The following TBP variants were observed in gnomAD, a reference collection of about 807,000 sequenced individuals.
TBP encodes the protein TATA-box binding protein, also known as TATA-box-binding protein.
In TBP, 12 loss-of-function variants were observed where a neutral mutation model predicts 46.2. The ratio of observed to expected loss-of-function variants is 0.26; its 90% CI spans 0.17 to 0.42. The LOEUF is 0.42. TBP is among the 10% of genes least tolerant of loss of function. The pLI is 1.00. For missense variants in TBP, 229 were observed against 403.1 expected (o/e 0.57, Z 3.70); for synonymous variants, 157 against 148.3 (o/e 1.06, Z -0.42).
intron 6 of TBP, 143 bp downstream of exon 6, chr6:170,569,922 C>T: frequency 1.2e-6 from 1 of 804,484 alleles, no homozygotes. Flanking sequence ...GCATTGTCTT[C>T]CTGATGTTCT....
Position 170,564,571 on chromosome 6 carries a change from G to A in TBP, c.524G>A (p.Gly175Asp). 1 of 1,609,756 alleles carries A rather than the reference G, an allele frequency of 6.2e-7. No individual in the cohort carries two copies. Among genetic ancestry groups the A allele is most frequent in the Non-Finnish European group, 8.5e-7 (1 of 1,177,824 alleles). The change falls in exon 4 of 8, where the codon GGT becomes GAT. Residue 175 changes from glycine to aspartate, a missense_variant. Physicochemically the swap from Gly to Asp is moderately conservative, Grantham distance 94. Coordinates refer to ENST00000392092, the MANE Select transcript of TBP (RefSeq NM_003194.5). ...LQNIVSTVNL[G>D]CKLDLKTIAL... ...AATATTGTATCCACAGTGAATCTTG[G>A]TTGTAAACTTGACCTAAAGACCATT...
chr6:170,572,349 T>A lies in TBP; in HGVS notation c.*84T>A. On this transcript the variant is annotated 3_prime_UTR_variant, in exon 8 of 8. Coordinates refer to ENST00000392092, the MANE Select transcript of TBP (RefSeq NM_003194.5). ...AGTTTGTTTTGGTACCTTTAAATGG[T>A]GGTGTTGTGAGAAGATGGATGTTGA... 1 of 1,146,330 alleles carries A rather than the reference T, an allele frequency of 8.7e-7. No homozygotes were observed. Among genetic ancestry groups the A allele is most frequent in the South Asian group, 1.3e-5 (1 of 75,784 alleles). 71.0% of individuals were successfully genotyped at this position (1,146,330 alleles called of 1,614,324 possible).
At position 170,564,519 on chromosome 6, in the gene TBP, G is replaced by A. The variant is rs776220323; in HGVS notation, c.498-26G>A. ...TGAAACTTAAGTAATTTAAATAGTC[G>A]TGTTTTCTTTTTAAATCTCTTACAG... On this transcript the variant is annotated intron_variant, in intron 3 of 7. Coordinates refer to ENST00000392092, the MANE Select transcript of TBP (RefSeq NM_003194.5). The A allele has an allele frequency of 4.5e-5, 67 of 1,485,180 alleles. No homozygotes were observed. In the South Asian group the frequency reaches 5.4e-4, roughly 12 times the overall value. The allele number at this position is 1,485,180 out of a possible 1,614,324, so 92.0% of individuals were successfully genotyped here.
In TBP at chr6:170,564,633, G is replaced by C; in HGVS notation, c.585+1G>C. The C allele has an allele frequency of 6.3e-7, 1 of 1,596,644 alleles. No homozygotes were observed. The highest frequency in any genetic ancestry group is 8.5e-7 in the Non-Finnish European group (1 of 1,169,930). Reference sequence around the variant, plus strand: ...CCGAAACGCCGAATATAATCCCAAGGTTAGATCTATTTTAATGTATTTCTT... The same window carrying C: ...CCGAAACGCCGAATATAATCCCAAGCTTAGATCTATTTTAATGTATTTCTT... On this transcript the variant is annotated splice_donor_variant, in intron 4 of 7. Coordinates refer to ENST00000392092, the MANE Select transcript of TBP (RefSeq NM_003194.5). LOFTEE classifies it high-confidence loss of function.
chr6:170,558,843 G>T (rs1383049239), intron 2 of TBP, among the ~76,000 whole-genome samples: 1 of 151,814 alleles, frequency 6.6e-6, no homozygotes, highest in Non-Finnish European at 1.5e-5. Context: ...ACAGGCATGC[G>T]CCACCACACC....
chr6:170,566,870 T>C, intron 4 of TBP, 48 bp from the exon 5 acceptor site: 1 of 1,566,666 alleles, frequency 6.4e-7, no homozygotes, highest in Non-Finnish European at 8.8e-7. Flanking sequence ...CTAACAACAT[T>C]GAGCAGTTTG....
intron 2 of TBP, among the ~76,000 whole-genome samples, chr6:170,559,634 C>G (rs556883783): frequency 6.6e-6 from 1 of 152,192 alleles, no homozygotes; most frequent in Non-Finnish European, 1.5e-5. Flanking sequence ...AGGAGAGAGG[C>G]CTTCTCCACA....
chr6:170,566,888 C>G (rs1465940212), intron 4 of TBP, 30 bp from the exon 5 acceptor site: 3 of 1,603,424 alleles, frequency 1.9e-6, no homozygotes, highest in Non-Finnish European at 2.6e-6. Flanking sequence ...TTGGCATGAC[C>G]TCACTAATGA....
chr6:170,572,452 A>G lies in TBP; in HGVS notation c.*187A>G. The G allele has an allele frequency of 1.6e-6, 1 of 609,576 alleles. No homozygotes were observed. Among genetic ancestry groups the G allele is most frequent in the East Asian group, 2.7e-5 (1 of 36,432 alleles). 37.8% of individuals were successfully genotyped at this position (609,576 alleles called of 1,614,324 possible). On this transcript the variant is annotated 3_prime_UTR_variant, in exon 8 of 8. Transcript: ENST00000392092. Reference sequence around the variant, plus strand: ...TGCCGGGAAGGGGCATTATTTGTGCACTGAGAACACCGCGCAGCGTGACTG... The same window carrying G: ...TGCCGGGAAGGGGCATTATTTGTGCGCTGAGAACACCGCGCAGCGTGACTG...
rs759374115 is a variant in TBP, at chr6:170,561,889, T to C, written c.153T>C (p.Ile51=). The part of the protein sequence containing the change: ...QPIQNTNSLS[I]LEEQQRQQQQ... ...TTCAGAACACCAATAGTCTGTCTAT[T>C]TTGGAAGAGCAACAAAGGCAGCAGC... Residue 51 remains isoleucine, a synonymous_variant, in exon 3 of 8, where the codon ATT becomes ATC. Transcript: ENST00000392092. The C allele has an allele frequency of 6.8e-6, 11 of 1,613,508 alleles. No individual in the cohort carries two copies. The highest frequency in any genetic ancestry group is 9.3e-6 in the Non-Finnish European group (11 of 1,179,926).
In TBP at chr6:170,562,052, A is replaced by T. The variant is rs148074761; in HGVS notation, c.316A>T (p.Thr106Ser). 6 of 1,613,666 alleles carry T rather than the reference A, an allele frequency of 3.7e-6. No individual in the cohort carries two copies. Among genetic ancestry groups the T allele is most frequent in the Admixed American group, 1.7e-5 (1 of 59,990 alleles). Residue 106 changes from threonine to serine, a missense_variant, in exon 3 of 8, where the codon ACG becomes TCG. This residue lies in a region of TBP where 69 missense variants were observed against 66.2 expected (regional missense o/e 1.04). Coordinates refer to ENST00000392092, the MANE Select transcript of TBP (RefSeq NM_003194.5). ...AVAAAAVQQSTSQQATQGTSG... is the reference protein window; with the variant it reads ...AVAAAAVQQSSSQQATQGTSG... ...GGCAGCTGCAGCCGTTCAGCAGTCA[A>T]CGTCCCAGCAGGCAACACAGGGAAC...
At chr6:170,567,984 C>T (rs1223345188) in intron 5 of TBP, among the ~76,000 whole-genome samples, 1 of 152,152 alleles carries the variant, frequency 6.6e-6, no homozygotes, top group African/African-American at 2.4e-5. Context: ...TTGGAGGTAT[C>T]AACACATAGA....
Position 170,557,028 on chromosome 6 carries a change from T to A in TBP, c.-2T>A. On this transcript the variant is annotated 5_prime_UTR_variant, in exon 2 of 8. Transcript: ENST00000392092. ...TGGTTTGCCAAGAAGAAAGTGAACA[T>A]CATGGATCAGAACAACAGCCTGCCA... 1 of 1,614,042 alleles carries A rather than the reference T, an allele frequency of 6.2e-7. No homozygotes were observed. Among genetic ancestry groups the A allele is most frequent in the Non-Finnish European group, 8.5e-7 (1 of 1,179,960 alleles).
rs1215217094 is a variant in TBP at position 170,561,923 on chromosome 6, C to T, written c.187C>T (p.Gln63Ter). Residue 63 changes from glutamine (Q) to a stop codon, truncating the protein, a stop_gained, in exon 3 of 8, where the codon CAA becomes TAA. Transcript: ENST00000392092. LOFTEE classifies it high-confidence loss of function. ...EEQQRQQQQQ[Q>*]QQQQQQQQQQ... ...GCAACAAAGGCAGCAGCAGCAACAACAACAGCAGCAGCAGCAGCAGCAGCA... is the reference window on the plus strand; with the variant it reads ...GCAACAAAGGCAGCAGCAGCAACAATAACAGCAGCAGCAGCAGCAGCAGCA... The T allele has an allele frequency of 6.5e-7, 1 of 1,547,656 alleles. No individual in the cohort carries two copies. The highest frequency in any genetic ancestry group is 2.1e-5 in the African/African-American group (1 of 48,720).
At chr6:170,564,856 TA>T (rs750400341) in intron 4 of TBP, among the ~76,000 whole-genome samples, 557 of 138,604 alleles carry the variant, frequency 4.0e-3, no homozygotes, top group Non-Finnish European at 3.8e-3. Context: ...CCCTGTCTCT[TA>T]AAAAAAAAAA....
chr6:170,556,376 TA>T (rs1459984707), intron 1 of TBP, among the ~76,000 whole-genome samples: 3,858 of 37,528 alleles, frequency 0.1, 169 homozygotes, highest in African/African-American at 0.37. Flanking sequence ...TTTTTTTTTT[TA>T]ACAGTTTCAT....
rs779471026 is a variant in TBP, at chr6:170,561,979, G to A, written c.243G>A (p.Gln81=). The A allele has an allele frequency of 3.5e-5, 52 of 1,505,120 alleles. No homozygotes were observed. Among genetic ancestry groups the A allele is most frequent in the African/African-American group, 1.2e-4 (8 of 69,256 alleles). The allele number at this position is 1,505,120 out of a possible 1,614,324, so 93.2% of individuals were successfully genotyped here. ...QQQQQQQQQQ[Q]QQQQQQQQQQ... ...AGCAACAGCAGCAGCAGCAGCAGCAGCAGCAGCAGCAGCAGCAGCAGCAGC... is the reference window on the plus strand; with the variant it reads ...AGCAACAGCAGCAGCAGCAGCAGCAACAGCAGCAGCAGCAGCAGCAGCAGC... The change falls in exon 3 of 8, where the codon CAG becomes CAA. Residue 81 remains glutamine, a synonymous_variant. Transcript: ENST00000392092.
chr6:170,565,625 CTT>C (rs1412007824), intron 4 of TBP, among the ~76,000 whole-genome samples: 2 of 152,110 alleles, frequency 1.3e-5, no homozygotes, highest in African/African-American at 4.8e-5. Flanking sequence ...ACTTTACGTT[CTT>C]AAGTGATATT....
At position 170,566,911 on chromosome 6, in the gene TBP, AT is replaced by A; in HGVS notation, c.586-5del. On this transcript the variant is annotated splice_region_variant and splice_polypyrimidine_tract_variant and intron_variant, in intron 4 of 7. Transcript: ENST00000392092. ...ACCTCACTAATGATTCTCTCTGACCATTGTAGCGGTTTGCTGCGGTAATCAT... is the reference window on the plus strand; with the variant it reads ...ACCTCACTAATGATTCTCTCTGACCATGTAGCGGTTTGCTGCGGTAATCAT... The A allele has an allele frequency of 6.2e-7, 1 of 1,612,124 alleles. No homozygotes were observed. Among genetic ancestry groups the A allele is most frequent in the Non-Finnish European group, 8.5e-7 (1 of 1,178,700 alleles).
Sources: allele counts gnomAD v4.1 joint callset (sites outside exome capture counted in the v4.1 genomes callset), GRCh38; gene constraint gnomAD v4.1.1; regional missense constraint gnomAD v4.1.1; transcripts MANE v1.5; gene names NCBI Gene and HGNC (gene_info 2026-07-23, HGNC 2026-07-21).